The following SGCZ variants were observed in gnomAD, a reference collection of about 807,000 sequenced individuals.
SGCZ encodes zeta-sarcoglycan.
Under a neutral mutation model 41.3 loss-of-function variants are expected in SGCZ, and 40 were observed. The observed-to-expected ratio is 0.97, with a 90% CI of 0.75 to 1.26. The LOEUF (loss-of-function observed/expected upper bound fraction) is 1.26, where lower values mean the gene tolerates loss of function less well. Among genes scored for constraint, SGCZ ranks in the 50% most tolerant of loss-of-function variants. The pLI, the probability that SGCZ is intolerant of heterozygous loss-of-function variation, is 0.00. For missense variants in SGCZ, 552 were observed against 369.8 expected, an observed-to-expected ratio of 1.49 and a Z score of -4.04; for synonymous variants, 206 against 137.5, an observed-to-expected ratio of 1.50 and a Z score of -3.49.
chr8:15,138,732 C>A (rs11779924), intron 1 of SGCZ, among the ~76,000 whole-genome samples: 16,955 of 152,092 alleles, frequency 0.11, 1,071 homozygotes, highest in East Asian at 0.28. Context: ...TCAATTAAAC[C>A]TCTTTTCTTT....
intron 1 of SGCZ, among the ~76,000 whole-genome samples, chr8:14,669,504 C>A (rs974197051): frequency 6.6e-6 from 1 of 152,064 alleles, no homozygotes; most frequent in Admixed American, 6.6e-5. Flanking sequence ...CCATAGGTAA[C>A]CACCCTTCTA....
chr8:14,427,073 TGAAC>T (rs1170742845), intron 2 of SGCZ, among the ~76,000 whole-genome samples: 1 of 150,580 alleles, frequency 6.6e-6, no homozygotes, highest in East Asian at 1.9e-4. Context: ...AATGAGTGAA[TGAAC>T]GAATGAATGA....
chr8:15,156,078 G>T (rs1012700080), intron 1 of SGCZ, among the ~76,000 whole-genome samples: 12 of 107,016 alleles, frequency 1.1e-4, no homozygotes, highest in African/African-American at 4.2e-4. Context: ...AAAAAAAATA[G>T]AAGAGTGAAG....
chr8:14,619,731 C>T (rs1377036210), intron 1 of SGCZ, among the ~76,000 whole-genome samples: 2 of 152,106 alleles, frequency 1.3e-5, no homozygotes, highest in African/African-American at 4.8e-5. Context: ...ATCCAACTTA[C>T]AAGGGATTTG....
At position 14,323,099 on chromosome 8, in the gene SGCZ, G is replaced by C. The variant is rs1244808108; in HGVS notation, c.336+1004C>G. ...AGAGTAGAGTCAATACAGTATATTA[G>C]AAGCTGTATCAGTTTGCATATTTTA... On this transcript the variant is annotated intron_variant, in intron 3 of 7. Coordinates refer to ENST00000382080, the MANE Select transcript of SGCZ (RefSeq NM_139167.4). Among the ~76,000 whole-genome samples, 3 of 151,954 alleles carry C rather than the reference G, an allele frequency of 2.0e-5. 1 individual carries two copies. The highest frequency in any genetic ancestry group is 7.2e-5 in the African/African-American group (3 of 41,398).
intron 1 of SGCZ, among the ~76,000 whole-genome samples, chr8:14,865,956 T>C (rs1171405446): frequency 6.6e-6 from 1 of 152,128 alleles, no homozygotes; most frequent in African/African-American, 2.4e-5. Context: ...TATAAGGACC[T>C]AACTCTTAAG....
At chr8:14,430,036 G>T (rs1031398595) in intron 2 of SGCZ, among the ~76,000 whole-genome samples, 1 of 151,928 alleles carries the variant, frequency 6.6e-6, no homozygotes, top group African/African-American at 2.4e-5. Flanking sequence ...AGCTTATTTA[G>T]ATTTTCTTTC....
chr8:14,273,499 G>A (rs1045850799), intron 3 of SGCZ, among the ~76,000 whole-genome samples: 61 of 152,080 alleles, frequency 4.0e-4, no homozygotes, highest in African/African-American at 1.2e-3. Flanking sequence ...GTGCTCATCC[G>A]ATCTTCTGAT....
intron 6 of SGCZ, among the ~76,000 whole-genome samples, chr8:14,103,705 T>C (rs1429503699): frequency 2.6e-5 from 4 of 152,176 alleles, no homozygotes; most frequent in Non-Finnish European, 4.4e-5. Flanking sequence ...ATGGGCCATT[T>C]GGAGATCTAG....
chr8:15,201,497 G>C lies in SGCZ; in HGVS notation c.39+36088C>G, dbSNP rs540945202. Among the ~76,000 whole-genome samples, 3 of 152,324 alleles carry C rather than the reference G, an allele frequency of 2.0e-5. No homozygotes were observed. In the South Asian group the frequency reaches 6.2e-4, roughly 32 times the overall value. On this transcript the variant is annotated intron_variant, in intron 1 of 7. Transcript: ENST00000382080. ...AAGAGCTACTCTTGGAGAAATTTAA[G>C]TCATCAGAGGACACAAGATTAATAA...
intron 2 of SGCZ, among the ~76,000 whole-genome samples, chr8:14,450,046 A>C (rs1800547119): frequency 6.6e-6 from 1 of 152,244 alleles, no homozygotes; most frequent in Admixed American, 6.5e-5. Context: ...AAAAACTGTG[A>C]AAGTGAAAAT....
In SGCZ at chr8:14,260,283, G is replaced by A. The variant is rs557925346; in HGVS notation, c.337-22604C>T. 8.7e-3 allele frequency among the ~76,000 whole-genome samples: 1,322 copies of A among 151,706 alleles called. 17 individuals are homozygous for A. Among genetic ancestry groups the A allele is most frequent in the African/African-American group, 0.029 (1,209 of 41,436 alleles). The stretch of plus-strand genomic sequence containing the variant: ...CAAACAACCCCATCAAAAAGCGGGC[G>A]AAGGACATGAACAGACACTTCTCAA... On this transcript the variant is annotated intron_variant, in intron 3 of 7. Transcript: ENST00000382080.
intron 1 of SGCZ, among the ~76,000 whole-genome samples, chr8:14,976,507 T>C (rs1801484428): frequency 6.6e-6 from 1 of 152,200 alleles, no homozygotes; most frequent in Non-Finnish European, 1.5e-5. Context: ...TACAAGTTGC[T>C]TTGTTGCTTA....
At chr8:14,932,283 T>C (rs1310944098) in intron 1 of SGCZ, among the ~76,000 whole-genome samples, 1 of 152,022 alleles carries the variant, frequency 6.6e-6, no homozygotes, top group Non-Finnish European at 1.5e-5. Flanking sequence ...AATCTTTTGT[T>C]ATAAAACTTC....
chr8:14,409,347 G>A (rs1049026957), intron 2 of SGCZ, among the ~76,000 whole-genome samples: 5 of 151,968 alleles, frequency 3.3e-5, no homozygotes, highest in Admixed American at 6.6e-5. Flanking sequence ...ATCCAAAAAT[G>A]AGATTTAAAA....
chr8:14,374,457 T>G (rs1415259534), intron 2 of SGCZ, among the ~76,000 whole-genome samples: 2 of 152,104 alleles, frequency 1.3e-5, no homozygotes, highest in African/African-American at 4.8e-5. Flanking sequence ...TTGATGTAAT[T>G]CTTAACTAAT....
chr8:14,102,105 A>ATAT (rs1802047693), intron 7 of SGCZ, among the ~76,000 whole-genome samples: 1 of 43,842 alleles, frequency 2.3e-5, no homozygotes, highest in African/African-American at 1.0e-4. Context: ...TATATATATA[A>ATAT]TTTTTTTTTT....
chr8:14,652,531 G>A (rs1489083246), intron 1 of SGCZ, among the ~76,000 whole-genome samples: 1 of 151,888 alleles, frequency 6.6e-6, no homozygotes, highest in Non-Finnish European at 1.5e-5. Flanking sequence ...TGTATGCAGA[G>A]CTGCAATTTG....
intron 4 of SGCZ, among the ~76,000 whole-genome samples, chr8:14,194,081 A>C (rs1805191982): frequency 6.6e-6 from 1 of 151,846 alleles, no homozygotes; most frequent in Admixed American, 6.6e-5. Context: ...AAATAAAGAA[A>C]CATTCTGTGA....
Sources: allele counts gnomAD v4.1 joint callset (sites outside exome capture counted in the v4.1 genomes callset), GRCh38; gene constraint gnomAD v4.1.1; transcripts MANE v1.5; gene names NCBI Gene and HGNC (gene_info 2026-07-23, HGNC 2026-07-21).